The following MEGF6 variants were observed in gnomAD, a reference collection of about 807,000 sequenced individuals.
MEGF6 encodes multiple epidermal growth factor-like domains protein 6.
Under a neutral mutation model 207.1 loss-of-function variants are expected in MEGF6, and 184 were observed. The ratio of observed to expected loss-of-function variants is 0.89; its 90% CI spans 0.79 to 1.00. The LOEUF is 1.00. Among genes scored for constraint, MEGF6 ranks in the 50% least tolerant of loss-of-function variants. MEGF6 has a pLI of 0.00. For synonymous variants in MEGF6, 1,038 were observed against 910.0 expected (o/e 1.14, Z -2.53); for missense variants, 2,282 against 2,202.9 (o/e 1.04, Z -0.72).
At chr1:3,533,821 C>T (rs963610863) in intron 4 of MEGF6, among the ~76,000 whole-genome samples, 1 of 152,236 alleles carries the variant, frequency 6.6e-6, no homozygotes, top group African/African-American at 2.4e-5. Flanking sequence ...GGTCCTCCAT[C>T]AGCACCCCAT....
Position 3,497,082 on chromosome 1 carries a change from C to G in MEGF6, c.3519G>C (p.Gln1173His). The G allele has an allele frequency of 6.4e-7, 1 of 1,573,002 alleles. No individual in the cohort carries two copies. Among genetic ancestry groups the G allele is most frequent in the Non-Finnish European group, 8.6e-7 (1 of 1,159,776 alleles). The change falls in exon 28 of 37, where the codon CAG becomes CAC. Residue 1173 changes from glutamine (Q) to histidine (H), a missense_variant. By Grantham distance (24) the Gln-to-His change is conservative. Transcript: ENST00000356575. ...PPGSFGEDCA[Q>H]MCQCPGENPA... ...GGTTCTCACCGGGACACTGGCACAT[C>G]TGCGCACAGTCCTCCCCAAAGCTGC...
In MEGF6 at chr1:3,513,577, CTTT is replaced by C. The variant is rs757815891; in HGVS notation, c.853+970_853+972del. On this transcript the variant is annotated intron_variant, in intron 7 of 36. Transcript: ENST00000356575. ...ACAGGTGTGAGCCACCACACCTGGG[CTTT>C]TTTTTTTTTTTTTTTTTTTTTTTTT... 3.1e-3 allele frequency among the ~76,000 whole-genome samples: 175 copies of C among 56,530 alleles called. 1 individual carries two copies. The highest frequency in any genetic ancestry group is 0.012 in the African/African-American group (161 of 13,524). The allele number at this position is 56,530 out of a possible 152,430, so 37.1% of individuals were successfully genotyped here.
At chr1:3,500,025 TG>T in intron 21 of MEGF6, 101 bp from the exon 22 acceptor site, 1 of 1,430,782 alleles carries the variant, frequency 7.0e-7, no homozygotes. Flanking sequence ...GGGACAGGCC[TG>T]GCTCATGAGA....
At chr1:3,578,688 A>G (rs529131839) in intron 4 of MEGF6, among the ~76,000 whole-genome samples, 4 of 149,398 alleles carry the variant, frequency 2.7e-5, no homozygotes, top group African/African-American at 9.8e-5. Flanking sequence ...ACATTCAATA[A>G]ACCCTCCAGC....
At chr1:3,596,309 C>G (rs1407972016) in intron 2 of MEGF6, among the ~76,000 whole-genome samples, 1 of 152,016 alleles carries the variant, frequency 6.6e-6, no homozygotes, top group Non-Finnish European at 1.5e-5. Flanking sequence ...TCTGGCCAGC[C>G]TGAGAAGGTG....
intron 15 of MEGF6, 54 bp downstream of exon 15, chr1:3,506,054 T>A: frequency 6.5e-7 from 1 of 1,532,864 alleles, no homozygotes; most frequent in Admixed American, 2.0e-5. Flanking sequence ...ACATGGACCA[T>A]CCCTTCCACC....
chr1:3,563,712 T>G (rs1411044529), intron 4 of MEGF6, among the ~76,000 whole-genome samples: 1 of 152,178 alleles, frequency 6.6e-6, no homozygotes, highest in African/African-American at 2.4e-5. Context: ...GAGACGAGGC[T>G]GATGTTCAGG....
chr1:3,509,346 C>A lies in MEGF6; in HGVS notation c.1358-101G>T, dbSNP rs983138678. 3 of 1,074,802 alleles carry A rather than the reference C, an allele frequency of 2.8e-6. No homozygotes were observed. In the East Asian group the frequency reaches 9.5e-5, roughly 34 times the overall value. The allele number at this position is 1,074,802 out of a possible 1,614,324, so 66.6% of individuals were successfully genotyped here. ...GGGCCTAAGCCCCACCCCAGGGAAC[C>A]CCACCACCCTCCTACTGCCTCCACT... On this transcript the variant is annotated intron_variant, in intron 11 of 36. Coordinates refer to ENST00000356575, the MANE Select transcript of MEGF6 (RefSeq NM_001409.4).
chr1:3,581,390 T>C (rs1643793865), intron 3 of MEGF6, among the ~76,000 whole-genome samples: 1 of 152,128 alleles, frequency 6.6e-6, no homozygotes, highest in Admixed American at 6.5e-5. Context: ...GCCAAACACC[T>C]GCAGCCTGAG....
At chr1:3,553,500 C>T (rs1438815290) in intron 4 of MEGF6, among the ~76,000 whole-genome samples, 1 of 152,198 alleles carries the variant, frequency 6.6e-6, no homozygotes, top group Non-Finnish European at 1.5e-5. Flanking sequence ...AGAGAGGCCT[C>T]CCCACACCCC....
chr1:3,541,559 C>T (rs907080142), intron 4 of MEGF6, among the ~76,000 whole-genome samples: 1 of 152,168 alleles, frequency 6.6e-6, no homozygotes, highest in Non-Finnish European at 1.5e-5. Context: ...GCCCCCTTGC[C>T]CACTCGTTTC....
chr1:3,541,202 C>T lies in MEGF6; in HGVS notation c.482-16956G>A, dbSNP rs1393055985. Among the ~76,000 whole-genome samples the T allele has an allele frequency of 5.3e-5, 8 of 152,260 alleles. No homozygotes were observed. In the East Asian group the frequency reaches 7.7e-4, roughly 15 times the overall value. On this transcript the variant is annotated intron_variant, in intron 4 of 36. Coordinates refer to ENST00000356575, the MANE Select transcript of MEGF6 (RefSeq NM_001409.4). ...CTCTAAATCCCCCATGGCACTGCCC[C>T]GTGGGGGGCCTCAGCACTGAGCGTC...
chr1:3,505,142 C>G, intron 17 of MEGF6, 66 bp downstream of exon 17: 1 of 1,576,084 alleles, frequency 6.3e-7, no homozygotes, highest in Non-Finnish European at 8.6e-7. Flanking sequence ...AGCCTACCCT[C>G]CAGCCAGGCA....
the MEGF6 span, among the ~76,000 whole-genome samples, chr1:3,622,730 C>T: frequency 6.6e-6 from 1 of 152,180 alleles, no homozygotes; most frequent in Non-Finnish European, 1.5e-5. Context: ...TGGCCCTGCA[C>T]ACTCCTTGAT....
chr1:3,509,307 C>A (rs905707533), intron 11 of MEGF6, 62 bp from the exon 12 acceptor site: 5 of 1,369,452 alleles, frequency 3.7e-6, no homozygotes, highest in Non-Finnish European at 4.7e-6. Flanking sequence ...AGCGACCCCC[C>A]GGCGGGTAGG....
At chr1:3,529,644 G>GTGTCA (rs1413041808) in intron 4 of MEGF6, among the ~76,000 whole-genome samples, 2 of 152,332 alleles carry the variant, frequency 1.3e-5, no homozygotes, top group Admixed American at 6.5e-5. Flanking sequence ...TGGTTCACCA[G>GTGTCA]GAGCCTGGCG....
chr1:3,495,606 G>A (rs1049322007), intron 30 of MEGF6, among the ~76,000 whole-genome samples: 16 of 152,146 alleles, frequency 1.1e-4, no homozygotes, highest in South Asian at 4.1e-4. Context: ...CAGCCCCCAC[G>A]GCCACCTCTA....
rs986454923 is a variant in MEGF6 at position 3,500,681 on chromosome 1, C to A, written c.2659G>T (p.Gly887Cys). 1.3e-6 allele frequency: 2 copies of A among 1,575,538 alleles called. No individual in the cohort carries two copies. Among genetic ancestry groups the A allele is most frequent in the Admixed American group, 1.8e-5 (1 of 54,666 alleles). The change falls in exon 21 of 37, where the codon GGC (glycine) becomes TGC (cysteine). Residue 887 changes from glycine (G) to cysteine (C), a missense_variant. Transcript: ENST00000356575. ...TAGCCAGCCTCACACAGACACAGGC[C>A]GCTGATGGCATCACAGCTCCCGTGG... ...AGHGSCDAIS[G>C]LCLCEAGYVG...
At chr1:3,520,374 C>G (rs918299484) in intron 5 of MEGF6, among the ~76,000 whole-genome samples, 7 of 152,240 alleles carry the variant, frequency 4.6e-5, no homozygotes, top group African/African-American at 1.7e-4. Context: ...CGCTGGCACT[C>G]TGCAGGGTGT....
Sources: gnomAD v4.1 joint callset for allele counts (sites outside exome capture counted in the v4.1 genomes callset) on GRCh38, gnomAD v4.1.1 for gene constraint, MANE v1.5 for transcripts, NCBI Gene and HGNC (gene_info 2026-07-23, HGNC 2026-07-21) for gene names.